The following IL23R variants were observed in gnomAD, a reference collection of about 807,000 sequenced individuals.
IL23R encodes interleukin-23 receptor.
IL23R carries 34 observed loss-of-function variants against 56.9 expected under a neutral mutation model. The ratio of observed to expected loss-of-function variants is 0.60; its 90% CI spans 0.45 to 0.80. The LOEUF (loss-of-function observed/expected upper bound fraction) is 0.80. Ranked by LOEUF, IL23R falls within the 30% of genes least tolerant of loss-of-function variation. The pLI is 0.00. For missense variants in IL23R, 635 were observed against 730.0 expected (o/e 0.87, Z 1.50); for synonymous variants, 230 against 249.2 (o/e 0.92, Z 0.73).
At chr1:67,140,538 G>A (rs1309790490) in intron 1 of IL23R, among the ~76,000 whole-genome samples, 2 of 152,102 alleles carry the variant, frequency 1.3e-5, no homozygotes, top group Non-Finnish European at 2.9e-5. Flanking sequence ...TTGGCAAGCT[G>A]GGGAAAGGAA....
At chr1:67,212,976 C>A (rs541167376) in intron 6 of IL23R, among the ~76,000 whole-genome samples, 1 of 151,982 alleles carries the variant, frequency 6.6e-6, no homozygotes, top group Non-Finnish European at 1.5e-5. Context: ...CGGGTTCAAG[C>A]GATTCTCCTG....
In IL23R at chr1:67,258,568, G is replaced by A; in HGVS notation, c.1330G>A (p.Glu444Lys). The A allele has an allele frequency of 6.2e-7, 1 of 1,611,798 alleles. No homozygotes were observed. Among genetic ancestry groups the A allele is most frequent in the Non-Finnish European group, 8.5e-7 (1 of 1,179,226 alleles). ...ITEIKEIFIP[E>K]HKPTDYKKEN... ...AGAGATAAAAGAAATCTTCATCCCAGAACACAAGCCTACAGACTACAAGAA... is the reference window on the plus strand; with the variant it reads ...AGAGATAAAAGAAATCTTCATCCCAAAACACAAGCCTACAGACTACAAGAA... Residue 444 changes from glutamate (E) to lysine (K), a missense_variant, in exon 11 of 11, where the codon GAA (glutamate) becomes AAA (lysine). Physicochemically the swap from Glu to Lys is moderately conservative, Grantham distance 56 (BLOSUM62 1). Transcript: ENST00000347310.
At chr1:67,261,760 T>C (rs756935564), downstream of IL23R, among the ~76,000 whole-genome samples, 4 of 152,218 alleles carry the variant, frequency 2.6e-5, no homozygotes, top group Non-Finnish European at 5.9e-5. Flanking sequence ...TATAGTACGT[T>C]TCACCATAAT....
Position 67,204,103 on chromosome 1 carries a change from G to A in IL23R, c.653-2807G>A, listed in dbSNP as rs892108440. Among the ~76,000 whole-genome samples, 7 of 151,734 alleles carry A rather than the reference G, an allele frequency of 4.6e-5. 1 individual carries two copies. Among genetic ancestry groups the A allele is most frequent in the South Asian group, 4.2e-4 (2 of 4,786 alleles). ...TTTTGAGACGGAGTCTCGCTCTGTC[G>A]CCCAGGCTGGAGTGCAGTGGCGCGA... On this transcript the variant is annotated intron_variant, in intron 5 of 10. Coordinates refer to ENST00000347310, the MANE Select transcript of IL23R (RefSeq NM_144701.3).
chr1:67,188,118 AT>A (rs1647481376), intron 4 of IL23R, among the ~76,000 whole-genome samples: 1 of 152,226 alleles, frequency 6.6e-6, no homozygotes, highest in South Asian at 2.1e-4. Flanking sequence ...ACATGGACTT[AT>A]TTATATCAGG....
chr1:67,256,103 GAC>G (rs1652934168), intron 10 of IL23R, among the ~76,000 whole-genome samples, 176 bp downstream of exon 10: 2 of 152,180 alleles, frequency 1.3e-5, no homozygotes, highest in African/African-American at 4.8e-5. Context: ...AAAGAGATGA[GAC>G]AATAGAGTTG....
chr1:67,197,389 C>T (rs1648240275), intron 4 of IL23R, among the ~76,000 whole-genome samples: 1 of 152,072 alleles, frequency 6.6e-6, no homozygotes, highest in Admixed American at 6.6e-5. Flanking sequence ...GATGTAGTTA[C>T]TAAGGAGGTA....
intron 5 of IL23R, among the ~76,000 whole-genome samples, chr1:67,205,879 CTTTCTTTCT>C (rs1204682853): frequency 2.8e-5 from 1 of 35,182 alleles, no homozygotes; most frequent in South Asian, 1.8e-3. Flanking sequence ...ATCCATCTTT[CTTTCTTTCT>C]TTCTTTCTTT....
chr1:67,155,729 G>T (rs1646765539), intron 1 of IL23R, among the ~76,000 whole-genome samples: 1 of 152,088 alleles, frequency 6.6e-6, no homozygotes, highest in Admixed American at 6.6e-5. Context: ...TTTGCATTGG[G>T]TTAGAACATG....
At chr1:67,215,293 T>C (rs942063645) in intron 6 of IL23R, among the ~76,000 whole-genome samples, 6 of 152,222 alleles carry the variant, frequency 3.9e-5, no homozygotes. Flanking sequence ...TTTCTCAATG[T>C]CAGTGGGGTC....
intron 9 of IL23R, among the ~76,000 whole-genome samples, chr1:67,246,000 T>A (rs1652195817): frequency 6.6e-6 from 1 of 152,184 alleles, no homozygotes; most frequent in African/African-American, 2.4e-5. Flanking sequence ...TGGTTTTTGG[T>A]CTATTCAGGG....
At chr1:67,143,128 C>T (rs1646653241) in intron 1 of IL23R, among the ~76,000 whole-genome samples, 1 of 152,054 alleles carries the variant, frequency 6.6e-6, no homozygotes, top group African/African-American at 2.4e-5. Flanking sequence ...TATGCATGTG[C>T]TCCCCAAAGA....
At chr1:67,232,898 T>C (rs181878626) in intron 7 of IL23R, among the ~76,000 whole-genome samples, 4 of 152,036 alleles carry the variant, frequency 2.6e-5, no homozygotes, top group Admixed American at 2.6e-4. Context: ...TGAGATATGA[T>C]GGTTTTATAA....
At chr1:67,218,356 G>GTA (rs1272667281) in intron 6 of IL23R, among the ~76,000 whole-genome samples, 8 of 137,382 alleles carry the variant, frequency 5.8e-5, no homozygotes, top group African/African-American at 2.2e-4. Flanking sequence ...GTGTGTGTGT[G>GTA]TGTATATATA....
chr1:67,152,599 C>T lies in IL23R; in HGVS notation c.-634+13438C>T, dbSNP rs370124028. Among the ~76,000 whole-genome samples the T allele has an allele frequency of 6.6e-5, 10 of 152,208 alleles. No homozygotes were observed. The East Asian group carries it at 1.7e-3, about 26-fold the overall frequency. On this transcript the variant is annotated intron_variant, in intron 1 of 10. Coordinates refer to the IL23R transcript ENST00000637002. ...ATTGGCTATGGGTTGTCATAAATAGCTCTTATTATTTTGAGATATTCCATC... is the reference window on the plus strand; with the variant it reads ...ATTGGCTATGGGTTGTCATAAATAGTTCTTATTATTTTGAGATATTCCATC...
chr1:67,215,504 C>T (rs1377969974), intron 6 of IL23R, among the ~76,000 whole-genome samples: 1 of 152,184 alleles, frequency 6.6e-6, no homozygotes, highest in Non-Finnish European at 1.5e-5. Flanking sequence ...GTCTTTCAAT[C>T]CTCTGCTTAT....
rs533280065 is a variant in IL23R, at chr1:67,259,018, T to A, written c.1780T>A (p.Phe594Ile). 3 of 1,614,046 alleles carry A rather than the reference T, an allele frequency of 1.9e-6. No homozygotes were observed. In the South Asian group the frequency reaches 3.3e-5, roughly 18 times the overall value. The change falls in exon 11 of 11, where the codon TTT (phenylalanine) becomes ATT (isoleucine). Residue 594 changes from phenylalanine to isoleucine, a missense_variant. Coordinates refer to ENST00000347310, the MANE Select transcript of IL23R (RefSeq NM_144701.3). ...IPEQTLLPDE[F>I]VSCLGIVNEE... ...AGAACAGACCCTGCTTCCTGATGAATTTGTCTCCTGTTTGGGGATCGTGAA... is the reference window on the plus strand; with the variant it reads ...AGAACAGACCCTGCTTCCTGATGAAATTGTCTCCTGTTTGGGGATCGTGAA...
At chr1:67,158,213 G>T (rs1250884463) in intron 1 of IL23R, among the ~76,000 whole-genome samples, 1 of 148,570 alleles carries the variant, frequency 6.7e-6, no homozygotes, top group African/African-American at 2.5e-5. Context: ...AAGACTCCAT[G>T]TCAAAAAAAA....
At chr1:67,155,245 G>A (rs948201455) in intron 1 of IL23R, among the ~76,000 whole-genome samples, 1 of 152,108 alleles carries the variant, frequency 6.6e-6, no homozygotes, top group Admixed American at 6.5e-5. Context: ...TTTTGACCTT[G>A]GAGAATCTGA....
Sources: gnomAD v4.1 joint callset for allele counts (sites outside exome capture counted in the v4.1 genomes callset) on GRCh38, gnomAD v4.1.1 for gene constraint, MANE v1.5 for transcripts, NCBI Gene and HGNC (gene_info 2026-07-23, HGNC 2026-07-21) for gene names.